The following CRTC3 variants were observed in gnomAD, a reference collection of about 807,000 sequenced individuals.
CRTC3 encodes CREB regulated transcription coactivator 3.
Under a neutral mutation model 74.5 loss-of-function variants are expected in CRTC3, and 26 were observed. The ratio of observed to expected loss-of-function variants is 0.35; its 90% CI spans 0.26 to 0.48. The LOEUF (loss-of-function observed/expected upper bound fraction) is 0.48. CRTC3 is among the 20% of genes least tolerant of loss of function. CRTC3 has a pLI of 0.99. For missense variants in CRTC3, 760 were observed against 787.3 expected, an observed-to-expected ratio of 0.97 and a Z score of 0.41; for synonymous variants, 377 against 325.8, an observed-to-expected ratio of 1.16 and a Z score of -1.69.
rs1441131045 is a variant in CRTC3, at chr15:90,626,881, C to T, written c.967+888C>T. Reference sequence around the variant, plus strand: ...CCACCCGCCTTGGCCTCCCAAAGTGCTGGGATTACAGGCGTGAGCCACCAC... The same window carrying T: ...CCACCCGCCTTGGCCTCCCAAAGTGTTGGGATTACAGGCGTGAGCCACCAC... On this transcript the variant is annotated intron_variant, in intron 10 of 14. Transcript: ENST00000268184. Among the ~76,000 whole-genome samples the T allele has an allele frequency of 3.3e-5, 5 of 152,216 alleles. No individual in the cohort carries two copies. The East Asian group carries it at 9.6e-4, about 29-fold the overall frequency.
At chr15:90,564,632 C>T (rs1213647147) in intron 2 of CRTC3, among the ~76,000 whole-genome samples, 1 of 152,158 alleles carries the variant, frequency 6.6e-6, no homozygotes, top group Admixed American at 6.5e-5. Flanking sequence ...CTGTCTTGCC[C>T]ATGGTCAAAC....
Position 90,589,619 on chromosome 15 carries a change from G to A in CRTC3, c.232-4017G>A, listed in dbSNP as rs547494573. On this transcript the variant is annotated intron_variant, in intron 2 of 14. Transcript: ENST00000268184. ...AAGTGACCCTCCCCTTTGGCCTCCC[G>A]CAATGCTAGGATTATAGGCGTGAGC... 2.3e-4 allele frequency among the ~76,000 whole-genome samples: 35 copies of A among 152,184 alleles called. No homozygotes were observed. In the East Asian group the frequency reaches 6.0e-3, roughly 26 times the overall value.
chr15:90,559,626 T>A (rs1966969664), intron 2 of CRTC3, among the ~76,000 whole-genome samples: 1 of 152,114 alleles, frequency 6.6e-6, no homozygotes, highest in South Asian at 2.1e-4. Context: ...GGTTGTTTGT[T>A]TGTTTGTTTG....
chr15:90,644,238 A>G lies in CRTC3; in HGVS notation c.*2098A>G, dbSNP rs534287695. 14 of 229,052 alleles carry G rather than the reference A, an allele frequency of 6.1e-5. No individual in the cohort carries two copies. Among genetic ancestry groups the G allele is most frequent in the African/African-American group, 1.3e-4 (6 of 45,200 alleles). 14.2% of individuals were successfully genotyped at this position (229,052 alleles called of 1,614,324 possible). The stretch of plus-strand genomic sequence containing the variant: ...CAGAGGGGGTGGCTTTTTGTTAAAG[A>G]GCCTTCAGTCGCAATGCTACCCAGC... On this transcript the variant is annotated 3_prime_UTR_variant, in exon 15 of 15. Coordinates refer to ENST00000268184, the MANE Select transcript of CRTC3 (RefSeq NM_022769.5).
At chr15:90,608,573 C>A (rs7165263) in intron 6 of CRTC3, among the ~76,000 whole-genome samples, 57 of 152,362 alleles carry the variant, frequency 3.7e-4, no homozygotes, top group African/African-American at 1.3e-3. Context: ...TCGTGTCCTT[C>A]TAACATCCCA....
rs571671636 is a variant in CRTC3, at chr15:90,644,962, G to C, written c.*2822G>C. On this transcript the variant is annotated 3_prime_UTR_variant, in exon 15 of 15. Transcript: ENST00000268184. ...TATGGTTGTGGGTTTTAGGACATAG[G>C]GGGTTAGGAGAAGGGGTTTCTTGAT... 7 of 232,310 alleles carry C rather than the reference G, an allele frequency of 3.0e-5. No individual in the cohort carries two copies. The highest frequency in any genetic ancestry group is 4.4e-5 in the African/African-American group (2 of 45,284). The allele number at this position is 232,310 out of a possible 1,614,324, so 14.4% of individuals were successfully genotyped here. A position where few individuals can be genotyped will look rare whatever the true frequency, so the allele number is the denominator to read the frequency against.
At chr15:90,611,202 A>G (rs1968348339) in intron 6 of CRTC3, among the ~76,000 whole-genome samples, 1 of 152,154 alleles carries the variant, frequency 6.6e-6, no homozygotes, top group African/African-American at 2.4e-5. Context: ...CTCCTTTAGG[A>G]CAATGGTTAA....
chr15:90,566,418 C>T lies in CRTC3; in HGVS notation c.231+26281C>T, dbSNP rs753452027. 5.3e-5 allele frequency among the ~76,000 whole-genome samples: 8 copies of T among 151,846 alleles called. No homozygotes were observed. In the South Asian group the frequency reaches 6.3e-4, roughly 12 times the overall value. On this transcript the variant is annotated intron_variant, in intron 2 of 14. Coordinates refer to ENST00000268184, the MANE Select transcript of CRTC3 (RefSeq NM_022769.5). Reference sequence around the variant, plus strand: ...TACAAAAATTAGCCGGGCATGGTGGCGTGTGCCTGTAGTCGTAGCTACTTG... The same window carrying T: ...TACAAAAATTAGCCGGGCATGGTGGTGTGTGCCTGTAGTCGTAGCTACTTG...
chr15:90,624,117 C>T (rs1445988542), intron 9 of CRTC3, among the ~76,000 whole-genome samples: 1 of 152,122 alleles, frequency 6.6e-6, no homozygotes, highest in Non-Finnish European at 1.5e-5. Context: ...AGCCCTGATG[C>T]CAGTGGCTGG....
chr15:90,581,602 C>T (rs6496694), intron 2 of CRTC3, among the ~76,000 whole-genome samples: 25,209 of 152,058 alleles, frequency 0.17, 3,253 homozygotes, highest in African/African-American at 0.37. Context: ...AGTATCATAA[C>T]TTTAATTAAA....
intron 11 of CRTC3, among the ~76,000 whole-genome samples, chr15:90,631,544 A>G (rs1342493774): frequency 6.6e-6 from 1 of 151,958 alleles, no homozygotes; most frequent in East Asian, 1.9e-4. Context: ...CCTGGTTAAC[A>G]TGACGAAACC....
Position 90,643,461 on chromosome 15 carries a change from G to C in CRTC3, c.*1321G>C, listed in dbSNP as rs1379035357. 4.4e-6 allele frequency: 1 copy of C among 229,510 alleles called. No homozygotes were observed. The highest frequency in any genetic ancestry group is 2.2e-5 in the African/African-American group (1 of 45,094). The allele number at this position is 229,510 out of a possible 1,614,324, so 14.2% of individuals were successfully genotyped here. On this transcript the variant is annotated 3_prime_UTR_variant, in exon 15 of 15. Coordinates refer to ENST00000268184, the MANE Select transcript of CRTC3 (RefSeq NM_022769.5). The stretch of plus-strand genomic sequence containing the variant: ...TGAGTACATCCGGAAGGGCTGAGCA[G>C]GTGAGTGCCCTGAGCATCCTGGCTG...
chr15:90,590,027 A>G (rs961804732), intron 2 of CRTC3, among the ~76,000 whole-genome samples: 1 of 151,902 alleles, frequency 6.6e-6, no homozygotes, highest in African/African-American at 2.4e-5. Flanking sequence ...GCAGTGGCTC[A>G]TGCCTGTAAT....
chr15:90,598,520 A>C, intron 3 of CRTC3: 1 of 702,766 alleles, frequency 1.4e-6, no homozygotes, highest in Non-Finnish European at 2.6e-6. Flanking sequence ...TTTCCTGCAC[A>C]GAACTGCAGA....
intron 2 of CRTC3, among the ~76,000 whole-genome samples, chr15:90,556,899 A>T (rs1357275245): frequency 6.6e-6 from 1 of 150,476 alleles, no homozygotes; most frequent in Non-Finnish European, 1.5e-5. Context: ...TAGAAAATAA[A>T]TCTAATTTCA....
At chr15:90,554,701 C>G (rs958544988) in intron 2 of CRTC3, among the ~76,000 whole-genome samples, 1 of 152,188 alleles carries the variant, frequency 6.6e-6, no homozygotes, top group Non-Finnish European at 1.5e-5. Flanking sequence ...TTACTAGTAC[C>G]TACTTCACAG....
intron 2 of CRTC3, among the ~76,000 whole-genome samples, chr15:90,551,496 G>A (rs1430377013): frequency 6.6e-6 from 1 of 152,058 alleles, no homozygotes; most frequent in Non-Finnish European, 1.5e-5. Flanking sequence ...GTGCTCAGGA[G>A]GCACATGTGG....
chr15:90,536,383 G>A (rs910208857), intron 1 of CRTC3, among the ~76,000 whole-genome samples: 19 of 150,518 alleles, frequency 1.3e-4, no homozygotes, highest in Non-Finnish European at 1.9e-4. Flanking sequence ...AAAAAAAAAC[G>A]AAAATTAGCT....
At chr15:90,625,230 CCT>C (rs1375466288) in intron 9 of CRTC3, among the ~76,000 whole-genome samples, 8 of 152,246 alleles carry the variant, frequency 5.3e-5, no homozygotes, top group Admixed American at 4.6e-4. Context: ...ACACACTCGC[CCT>C]GCTTGTTCAT....
Sources: allele counts gnomAD v4.1 joint callset (sites outside exome capture counted in the v4.1 genomes callset), GRCh38; gene constraint gnomAD v4.1.1; transcripts MANE v1.5; gene names NCBI Gene and HGNC (gene_info 2026-07-23, HGNC 2026-07-21).